The following AUTS2 variants were observed in gnomAD, a reference collection of about 807,000 sequenced individuals.
AUTS2 encodes autism susceptibility gene 2 protein.
In AUTS2, 17 loss-of-function variants were observed where a neutral mutation model predicts 112.4. The ratio of observed to expected loss-of-function variants is 0.15; its 90% CI spans 0.10 to 0.23. AUTS2 has a LOEUF of 0.23. Ranked by LOEUF, AUTS2 falls within the 10% of genes least tolerant of loss-of-function variation. The pLI, the probability that AUTS2 is intolerant of heterozygous loss-of-function variation, is 1.00. For missense variants in AUTS2, 1,510 were observed against 1,701.6 expected (o/e 0.89, Z 1.98); for synonymous variants, 751 against 702.7 (o/e 1.07, Z -1.09).
At chr7:70,181,769 G>A (rs1490035992) in intron 4 of AUTS2, among the ~76,000 whole-genome samples, 9 of 148,634 alleles carry the variant, frequency 6.1e-5, no homozygotes, top group Admixed American at 6.7e-5. Context: ...GATTACAGGC[G>A]TGAGCCACCA....
chr7:70,035,758 C>A (rs1306575348), intron 2 of AUTS2, among the ~76,000 whole-genome samples: 5 of 152,134 alleles, frequency 3.3e-5, no homozygotes, highest in African/African-American at 9.7e-5. Context: ...TGCATAATTT[C>A]TTGTTCCTCC....
intron 2 of AUTS2, among the ~76,000 whole-genome samples, chr7:69,907,506 A>G (rs115307590): frequency 0.019 from 2,917 of 152,298 alleles, 80 homozygotes; most frequent in South Asian, 0.062. Context: ...CCTCTCACAA[A>G]CTTTAAATCA....
intron 5 of AUTS2, among the ~76,000 whole-genome samples, chr7:70,617,527 G>A (rs147500649): frequency 0.099 from 15,013 of 152,162 alleles, 956 homozygotes; most frequent in Non-Finnish European, 0.15. Context: ...GCTGGGCGTG[G>A]TGGCGGGCGC....
intron 4 of AUTS2, among the ~76,000 whole-genome samples, chr7:70,318,084 G>T (rs959678326): frequency 6.6e-6 from 1 of 152,096 alleles, no homozygotes; most frequent in African/African-American, 2.4e-5. Flanking sequence ...GGATTATGTG[G>T]GGATCCCAGG....
intron 5 of AUTS2, among the ~76,000 whole-genome samples, chr7:70,545,671 A>C (rs996656248): frequency 6.6e-6 from 1 of 152,174 alleles, no homozygotes; most frequent in Non-Finnish European, 1.5e-5. Flanking sequence ...GTCTCAGCCA[A>C]GCCTTTTCTT....
chr7:70,511,834 C>A (rs756707381), intron 5 of AUTS2, among the ~76,000 whole-genome samples: 1 of 152,052 alleles, frequency 6.6e-6, no homozygotes, highest in African/African-American at 2.4e-5. Flanking sequence ...GCCTTGGTCT[C>A]CCAAAGTGCT....
chr7:70,772,125 C>T (rs1480023297), intron 11 of AUTS2, among the ~76,000 whole-genome samples: 1 of 152,170 alleles, frequency 6.6e-6, no homozygotes, highest in Non-Finnish European at 1.5e-5. Flanking sequence ...CCCTCGCCAA[C>T]CCCATCGGCT....
At chr7:70,330,617 G>A (rs1331124379) in intron 4 of AUTS2, among the ~76,000 whole-genome samples, 1 of 152,118 alleles carries the variant, frequency 6.6e-6, no homozygotes, top group Non-Finnish European at 1.5e-5. Context: ...AGGGTCCATT[G>A]CAATTCCATA....
At chr7:69,639,691 G>C (rs749857553) in intron 1 of AUTS2, among the ~76,000 whole-genome samples, 4 of 152,180 alleles carry the variant, frequency 2.6e-5, no homozygotes, top group Non-Finnish European at 5.9e-5. Context: ...CCTTTTCCTG[G>C]ATGCCCAGGT....
rs1351580156 is a variant in AUTS2, at chr7:70,377,389, G to A, written c.661-58363G>A. On this transcript the variant is annotated intron_variant, in intron 4 of 18. Transcript: ENST00000342771. The stretch of plus-strand genomic sequence containing the variant: ...ATATATATATAGTGATATATATATC[G>A]CAATAAAAATGTTGTATAAAATATT... 6.0e-4 allele frequency among the ~76,000 whole-genome samples: 50 copies of A among 83,572 alleles called. 1 individual carries two copies. Among genetic ancestry groups the A allele is most frequent in the African/African-American group, 1.9e-3 (43 of 22,590 alleles). The allele number at this position is 83,572 out of a possible 152,430, so 54.8% of individuals were successfully genotyped here.
chr7:69,724,807 C>T (rs571363437), intron 1 of AUTS2, among the ~76,000 whole-genome samples: 1 of 152,236 alleles, frequency 6.6e-6, no homozygotes, highest in African/African-American at 2.4e-5. Context: ...ATAAAGGACC[C>T]TTAATTGGTT....
At chr7:69,821,316 T>A (rs1230401993) in intron 1 of AUTS2, among the ~76,000 whole-genome samples, 1 of 152,068 alleles carries the variant, frequency 6.6e-6, no homozygotes, top group African/African-American at 2.4e-5. Flanking sequence ...CTTGGAGAAC[T>A]TTTCTGTCAA....
chr7:70,536,237 C>T (rs1444132114), intron 5 of AUTS2, among the ~76,000 whole-genome samples: 2 of 151,928 alleles, frequency 1.3e-5, no homozygotes, highest in Admixed American at 6.6e-5. Context: ...TGCAGTGAGC[C>T]GAGATGGTGC....
chr7:70,717,058 G>A (rs1350674740), intron 6 of AUTS2, among the ~76,000 whole-genome samples: 2 of 144,032 alleles, frequency 1.4e-5, no homozygotes, highest in South Asian at 4.4e-4. Context: ...TAGACACTGG[G>A]TCTCACTCTG....
chr7:69,976,077 A>G (rs542076517), intron 2 of AUTS2, among the ~76,000 whole-genome samples: 1 of 152,244 alleles, frequency 6.6e-6, no homozygotes, highest in Non-Finnish European at 1.5e-5. Flanking sequence ...TGTTAAATAT[A>G]TTCACATTGC....
chr7:69,807,519 A>C (rs561198532), intron 1 of AUTS2, among the ~76,000 whole-genome samples: 9 of 152,160 alleles, frequency 5.9e-5, no homozygotes, highest in Non-Finnish European at 1.2e-4. Context: ...CCGGGAAAAG[A>C]GGTCATTGCT....
intron 6 of AUTS2, among the ~76,000 whole-genome samples, chr7:70,756,789 T>A (rs1789240059): frequency 6.6e-6 from 1 of 152,218 alleles, no homozygotes; most frequent in Admixed American, 6.5e-5. Context: ...GACCCAGATA[T>A]AACAAAGTAC....
intron 2 of AUTS2, among the ~76,000 whole-genome samples, chr7:69,932,087 G>A (rs1796248544): frequency 6.6e-6 from 1 of 152,126 alleles, no homozygotes; most frequent in African/African-American, 2.4e-5. Flanking sequence ...GTGTATATGT[G>A]TGCACACACA....
At chr7:70,115,930 C>T (rs1805335046) in intron 2 of AUTS2, among the ~76,000 whole-genome samples, 1 of 151,924 alleles carries the variant, frequency 6.6e-6, no homozygotes, top group African/African-American at 2.4e-5. Flanking sequence ...TAAGGGTGAA[C>T]ATTCCAGAGG....
Sources: gnomAD v4.1 joint callset for allele counts (sites outside exome capture counted in the v4.1 genomes callset) on GRCh38, gnomAD v4.1.1 for gene constraint, MANE v1.5 for transcripts, NCBI Gene and HGNC (gene_info 2026-07-23, HGNC 2026-07-21) for gene names.